Variants in MGAT4C observed in about 807,000 individuals in gnomAD.
MGAT4C encodes alpha-1,3-mannosyl-glycoprotein 4-beta-N-acetylglucosaminyltransferase C.
In MGAT4C, 19 loss-of-function variants were observed where a neutral mutation model predicts 40.1. The ratio of observed to expected loss-of-function variants is 0.47; its 90% confidence interval spans 0.33 to 0.70. The LOEUF is 0.70. MGAT4C is among the 30% of genes least tolerant of loss of function. The pLI is 0.02. For synonymous variants in MGAT4C, 181 were observed against 187.1 expected (o/e 0.97, Z 0.27); for missense variants, 491 against 563.2 (o/e 0.87, Z 1.30).
intron 1 of MGAT4C, among the ~76,000 whole-genome samples, chr12:86,790,011 C>A (rs951690895): frequency 2.6e-5 from 4 of 152,036 alleles, no homozygotes; most frequent in African/African-American, 9.7e-5. Flanking sequence ...GTCATTCATT[C>A]TTTGAGCTGT....
At chr12:86,047,341 G>A (rs1892497857) in intron 2 of MGAT4C, among the ~76,000 whole-genome samples, 2 of 152,034 alleles carry the variant, frequency 1.3e-5, no homozygotes, top group African/African-American at 4.8e-5. Flanking sequence ...CCAGAGTAAA[G>A]TTACTGATGA....
chr12:86,668,113 C>G (rs1964160781), intron 2 of MGAT4C, among the ~76,000 whole-genome samples: 1 of 152,108 alleles, frequency 6.6e-6, no homozygotes, highest in Admixed American at 6.6e-5. Flanking sequence ...GTATCATGAT[C>G]CAAGTACTAT....
At chr12:86,410,991 C>A (rs1342470186) in intron 3 of MGAT4C, among the ~76,000 whole-genome samples, 3 of 150,790 alleles carry the variant, frequency 2.0e-5, no homozygotes, top group Non-Finnish European at 4.4e-5. Context: ...ATCCACTTTA[C>A]CTTCTGCCAT....
chr12:86,072,353 C>T (rs991829658), intron 1 of MGAT4C, among the ~76,000 whole-genome samples: 1 of 151,586 alleles, frequency 6.6e-6, no homozygotes, highest in Non-Finnish European at 1.5e-5. Context: ...TTCCCCAAAA[C>T]ACTTTAAAAT....
intron 1 of MGAT4C, among the ~76,000 whole-genome samples, chr12:86,760,641 G>A (rs1951388621): frequency 6.6e-6 from 1 of 152,088 alleles, no homozygotes; most frequent in Non-Finnish European, 1.5e-5. Context: ...AAACAATATG[G>A]TGAGTTCCAC....
In MGAT4C at chr12:86,371,867, TG is replaced by T. The variant is rs566072204; in HGVS notation, c.-119-37741del. 2.5e-3 allele frequency among the ~76,000 whole-genome samples: 381 copies of T among 152,062 alleles called. 1 individual carries two copies. The highest frequency in any genetic ancestry group is 8.9e-3 in the African/African-American group (368 of 41,540). On this transcript the variant is annotated intron_variant, in intron 3 of 7. Transcript: ENST00000548651. ...TCAACTCAGAGTTGAGAAAAAGACC[TG>T]GAAGTTAGGTAATATAATAAGTCAT...
intron 1 of MGAT4C, among the ~76,000 whole-genome samples, chr12:86,811,673 T>C (rs1432823740): frequency 2.0e-5 from 3 of 151,446 alleles, no homozygotes; most frequent in African/African-American, 7.3e-5. Flanking sequence ...GTAAAATTTA[T>C]ATTATATCCC....
At chr12:86,354,578 A>C (rs1014384119) in intron 3 of MGAT4C, among the ~76,000 whole-genome samples, 1 of 152,224 alleles carries the variant, frequency 6.6e-6, no homozygotes, top group Non-Finnish European at 1.5e-5. Context: ...TAAATCTAAA[A>C]ATTAAAATGC....
At chr12:86,015,087 G>T (rs1168904432) in intron 2 of MGAT4C, among the ~76,000 whole-genome samples, 1 of 150,968 alleles carries the variant, frequency 6.6e-6, no homozygotes, top group African/African-American at 2.4e-5. Context: ...GGGATTACAG[G>T]TGTGAGCCAC....
rs937184825 is a variant in MGAT4C, at chr12:85,977,207, G to T, written c.*2082C>A. 4.6e-5 allele frequency: 7 copies of T among 151,284 alleles called. No individual in the cohort carries two copies. The highest frequency in any genetic ancestry group is 9.7e-5 in the African/African-American group (4 of 41,350). 9.4% of individuals were successfully genotyped at this position (151,284 alleles called of 1,614,324 possible). A position where few individuals can be genotyped will look rare whatever the true frequency, so the allele number is the denominator to read the frequency against. ...GATCTTTAGAAAGCCATTCCCAGAA[G>T]AATATGTAAGGGGTTACAACTCATT... On this transcript the variant is annotated 3_prime_UTR_variant, in exon 5 of 5. Transcript: ENST00000611864.
chr12:86,814,414 A>G (rs181332404), intron 1 of MGAT4C, among the ~76,000 whole-genome samples: 3 of 142,952 alleles, frequency 2.1e-5, no homozygotes, highest in African/African-American at 7.8e-5. Context: ...ATACATATAC[A>G]TATATATATG....
intron 2 of MGAT4C, among the ~76,000 whole-genome samples, chr12:86,525,933 C>T (rs921121511): frequency 6.6e-6 from 1 of 152,218 alleles, no homozygotes; most frequent in African/African-American, 2.4e-5. Context: ...TTCGCATGTG[C>T]CAGCAGCAGT....
At chr12:86,205,812 C>T (rs1292574261) in intron 1 of MGAT4C, among the ~76,000 whole-genome samples, 1 of 151,810 alleles carries the variant, frequency 6.6e-6, no homozygotes, top group Non-Finnish European at 1.5e-5. Flanking sequence ...TTACTTTGAC[C>T]TAAATTAATT....
At chr12:86,096,596 C>CT (rs899309826) in intron 1 of MGAT4C, among the ~76,000 whole-genome samples, 3 of 150,896 alleles carry the variant, frequency 2.0e-5, no homozygotes, top group Non-Finnish European at 4.4e-5. Flanking sequence ...TTCCTCGAAT[C>CT]TTTTTTTTAT....
At chr12:86,181,661 G>T (rs1014764096) in intron 1 of MGAT4C, among the ~76,000 whole-genome samples, 1 of 152,120 alleles carries the variant, frequency 6.6e-6, no homozygotes, top group East Asian at 1.9e-4. Flanking sequence ...ATCACTTTTA[G>T]TATGAATATC....
intron 2 of MGAT4C, among the ~76,000 whole-genome samples, chr12:86,494,697 A>T (rs1958207340): frequency 6.6e-6 from 1 of 151,966 alleles, no homozygotes; most frequent in African/African-American, 2.4e-5. Flanking sequence ...AAAATATTTT[A>T]ACATAAAATT....
intron 2 of MGAT4C, among the ~76,000 whole-genome samples, chr12:86,659,343 C>A (rs1363768227): frequency 2.6e-5 from 4 of 151,892 alleles, no homozygotes; most frequent in Non-Finnish European, 5.9e-5. Context: ...GAAATTCTCC[C>A]AAAATGCCAG....
intron 2 of MGAT4C, among the ~76,000 whole-genome samples, chr12:86,025,557 T>C (rs1890168088): frequency 6.6e-6 from 1 of 151,822 alleles, no homozygotes; most frequent in Admixed American, 6.6e-5. Flanking sequence ...ATATTTTTTA[T>C]ATGTTGTTTC....
chr12:86,383,735 C>T (rs1284573416), intron 3 of MGAT4C, among the ~76,000 whole-genome samples: 2 of 151,988 alleles, frequency 1.3e-5, no homozygotes, highest in African/African-American at 4.8e-5. Context: ...ATTTTACAGG[C>T]TGATAGGCAG....
Sources: gnomAD v4.1 joint callset for allele counts (sites outside exome capture counted in the v4.1 genomes callset) on GRCh38, gnomAD v4.1.1 for gene constraint, MANE v1.5 for transcripts, NCBI Gene and HGNC (gene_info 2026-07-23, HGNC 2026-07-21) for gene names.